COL23A1: variants seen among roughly 807,000 people sequenced by gnomAD.
The protein encoded by COL23A1 is collagen alpha-1(XXIII) chain.
In COL23A1, 97 loss-of-function variants were observed where a neutral mutation model predicts 99.3. The ratio of observed to expected loss-of-function variants is 0.98; its 90% CI spans 0.83 to 1.16. The LOEUF is 1.16. Ranked by LOEUF, COL23A1 falls within the 50% of genes most tolerant of loss-of-function variation. The probability of loss-of-function intolerance (pLI) is 0.00; values close to 1 mark genes in which losing one functional copy is unlikely to be tolerated. For missense variants in COL23A1, 762 were observed against 757.4 expected (o/e 1.01, Z -0.07); for synonymous variants, 320 against 308.2 (o/e 1.04, Z -0.40).
intron 2 of COL23A1, among the ~76,000 whole-genome samples, chr5:178,530,449 A>G (rs1449483044): frequency 6.6e-6 from 1 of 152,108 alleles, no homozygotes; most frequent in Non-Finnish European, 1.5e-5. Context: ...GTGACAGAGA[A>G]AGACCTGTTT....
intron 2 of COL23A1, among the ~76,000 whole-genome samples, chr5:178,360,024 C>T (rs1253894334): frequency 6.6e-6 from 1 of 152,166 alleles, no homozygotes; most frequent in African/African-American, 2.4e-5. Flanking sequence ...CAAGCAGCCG[C>T]TCGCATCATA....
chr5:178,280,477 C>A lies in COL23A1; in HGVS notation c.441+7847G>T, dbSNP rs1413795346. Among the ~76,000 whole-genome samples the A allele has an allele frequency of 6.6e-6, 1 of 152,196 alleles. No individual in the cohort carries two copies. On this transcript the variant is annotated intron_variant, in intron 5 of 28. Coordinates refer to ENST00000390654, the MANE Select transcript of COL23A1 (RefSeq NM_173465.4). This position sits in a 1 kb window ranked among gnomAD's most constrained non-coding sequence, Gnocchi z 4.9. ...CTATAGACCCCTGGGCCCATTCTGT[C>A]TCCACTGCATGGGCTGGACATCGTG...
chr5:178,323,498 T>C (rs1183514260), intron 2 of COL23A1, among the ~76,000 whole-genome samples: 1 of 152,126 alleles, frequency 6.6e-6, no homozygotes, highest in Non-Finnish European at 1.5e-5. Flanking sequence ...CCCTAGGTCC[T>C]GTGCTGCTTT....
intron 2 of COL23A1, among the ~76,000 whole-genome samples, chr5:178,360,802 A>G (rs573029707): frequency 1.6e-4 from 24 of 152,340 alleles, no homozygotes; most frequent in African/African-American, 5.3e-4. Context: ...GACATCCTTC[A>G]GGGAACCGGG....
chr5:178,412,068 G>GA (rs1198665498), intron 2 of COL23A1, among the ~76,000 whole-genome samples: 1 of 152,188 alleles, frequency 6.6e-6, no homozygotes, highest in Non-Finnish European at 1.5e-5. Flanking sequence ...GAATGTACGT[G>GA]TAACTGTAAC....
chr5:178,268,769 A>C lies in COL23A1; in HGVS notation c.469-13T>G. The C allele has an allele frequency of 1.9e-6, 3 of 1,603,522 alleles. No individual in the cohort carries two copies. The highest frequency in any genetic ancestry group is 2.6e-6 in the Non-Finnish European group (3 of 1,173,460). On this transcript the variant is annotated splice_polypyrimidine_tract_variant and intron_variant, in intron 6 of 28. Coordinates refer to ENST00000390654, the MANE Select transcript of COL23A1 (RefSeq NM_173465.4). ...GGCCTGGAAGTCCCTGGAAAAGGAAAGTGGAGAAAGAACAGACCTGAGTGA... is the reference window on the plus strand; with the variant it reads ...GGCCTGGAAGTCCCTGGAAAAGGAACGTGGAGAAAGAACAGACCTGAGTGA...
At chr5:178,540,099 T>C (rs1224108861) in intron 2 of COL23A1, among the ~76,000 whole-genome samples, 2 of 152,236 alleles carry the variant, frequency 1.3e-5, no homozygotes, top group Non-Finnish European at 2.9e-5. Context: ...TAATATTTCC[T>C]CTGAGTTCAG....
chr5:178,308,302 T>C lies in COL23A1; in HGVS notation c.362-1383A>G, dbSNP rs549992458. On this transcript the variant is annotated intron_variant, in intron 2 of 28. Transcript: ENST00000390654. This position sits in a 1 kb window ranked among gnomAD's most constrained non-coding sequence, Gnocchi z 5.1. ...GGCCCAGGGGTGAGGCGAGAATGAA[T>C]TTCTTGCCAGCCTCAGGGACAGGGG... 6.6e-6 allele frequency among the ~76,000 whole-genome samples: 1 copy of C among 152,216 alleles called. No individual in the cohort carries two copies. The highest frequency in any genetic ancestry group is 2.1e-4 in the South Asian group (1 of 4,818).
Position 178,302,673 on chromosome 5 carries a change from C to T in COL23A1, c.406+4202G>A, listed in dbSNP as rs77797006. Among the ~76,000 whole-genome samples, 1,025 of 152,348 alleles carry T rather than the reference C, an allele frequency of 6.7e-3. 14 individuals carry two copies. The highest frequency in any genetic ancestry group is 0.01 in the Middle Eastern group (3 of 294). On this transcript the variant is annotated intron_variant, in intron 3 of 28. Coordinates refer to ENST00000390654, the MANE Select transcript of COL23A1 (RefSeq NM_173465.4). The stretch of plus-strand genomic sequence containing the variant: ...TAGAATAAGCTGGAGCTTTTCAAAG[C>T]TCCTTTGAACATCTCATTCCCTATA...
intron 5 of COL23A1, among the ~76,000 whole-genome samples, chr5:178,276,947 C>G (rs1315723376): frequency 1.3e-5 from 2 of 152,218 alleles, no homozygotes; most frequent in African/African-American, 4.8e-5. Context: ...AGGTCAGAGA[C>G]TTGCCCCTCA....
chr5:178,267,446 A>G, intron 7 of COL23A1, 113 bp from the exon 8 acceptor site: 1 of 1,065,320 alleles, frequency 9.4e-7, no homozygotes, highest in Non-Finnish European at 1.4e-6. Flanking sequence ...TAATTCCAAC[A>G]AAAATAGCAG....
At chr5:178,355,843 G>A (rs1761619002) in intron 2 of COL23A1, among the ~76,000 whole-genome samples, 1 of 152,198 alleles carries the variant, frequency 6.6e-6, no homozygotes, top group Admixed American at 6.5e-5. Context: ...TGCAGGTTCA[G>A]AGGGCTGACT....
At chr5:178,557,804 T>C (rs890919037) in intron 2 of COL23A1, among the ~76,000 whole-genome samples, 31 of 152,168 alleles carry the variant, frequency 2.0e-4, no homozygotes, top group African/African-American at 5.1e-4. Flanking sequence ...ACAGGGCCTC[T>C]GTTCTTTGTA....
chr5:178,479,028 A>C (rs1001351233), intron 2 of COL23A1, among the ~76,000 whole-genome samples: 4 of 152,084 alleles, frequency 2.6e-5, no homozygotes, highest in Non-Finnish European at 5.9e-5. Context: ...TGTGAGGCCC[A>C]GGGAGACAGC....
chr5:178,345,089 C>T, intron 2 of COL23A1: 1 of 591,700 alleles, frequency 1.7e-6, no homozygotes, highest in East Asian at 4.2e-5. Flanking sequence ...TTCATCTCTT[C>T]CTGGTAATTG....
At chr5:178,523,025 G>A (rs1760038116) in intron 2 of COL23A1, among the ~76,000 whole-genome samples, 1 of 151,626 alleles carries the variant, frequency 6.6e-6, no homozygotes, top group Non-Finnish European at 1.5e-5. Flanking sequence ...CTCCAGCCAG[G>A]CGTGGTAGCT....
chr5:178,265,475 G>C (rs1489750738), intron 8 of COL23A1, among the ~76,000 whole-genome samples: 1 of 152,174 alleles, frequency 6.6e-6, no homozygotes, highest in East Asian at 1.9e-4. Context: ...TACTTATTAA[G>C]GCAGAAAATG....
At chr5:178,355,520 T>G (rs554624054) in intron 2 of COL23A1, among the ~76,000 whole-genome samples, 3 of 152,340 alleles carry the variant, frequency 2.0e-5, no homozygotes, top group East Asian at 3.9e-4. Context: ...GAGTAATTTA[T>G]AAAGAAAAGA....
rs114468043 is a variant in COL23A1 at position 178,387,714 on chromosome 5, A to C, written c.362-80795T>G. 3.5e-3 allele frequency among the ~76,000 whole-genome samples: 538 copies of C among 152,316 alleles called. 3 individuals are homozygous for C. The highest frequency in any genetic ancestry group is 0.012 in the African/African-American group (512 of 41,572). ...TCAGTAAATACACGCTGAGCTAATG[A>C]ATGAACGAACGACAATGAGGCAGTG... is the stretch of plus-strand genomic sequence containing the variant. On this transcript the variant is annotated intron_variant, in intron 2 of 28. Transcript: ENST00000390654. The surrounding 1 kb of genome is among the most constrained non-coding windows in gnomAD (Gnocchi z 4.7).
Sources: gnomAD v4.1 joint callset for allele counts (sites outside exome capture counted in the v4.1 genomes callset) on GRCh38, gnomAD v4.1.1 for gene constraint, Gnocchi (gnomAD v3.1) non-coding constraint, MANE v1.5 for transcripts, NCBI Gene and HGNC (gene_info 2026-07-23, HGNC 2026-07-21) for gene names.